The following COL5A1 variants were observed in gnomAD, a reference collection of about 807,000 sequenced individuals.
The protein encoded by COL5A1 is collagen alpha-1(V) chain.
COL5A1 carries 16 observed loss-of-function variants against 263.7 expected under a neutral mutation model. That is an observed-to-expected ratio of 0.06 (90% CI 0.04 to 0.09). COL5A1 has a LOEUF of 0.09. COL5A1 is among the 10% of genes least tolerant of loss of function. COL5A1 has a pLI of 1.00. For missense variants in COL5A1, 2,036 were observed against 2,540.5 expected (o/e 0.80, Z 4.27); for synonymous variants, 1,012 against 1,004.5 (o/e 1.01, Z -0.14).
At chr9:134,672,711 GA>G (rs1233742337) in intron 1 of COL5A1, among the ~76,000 whole-genome samples, 1 of 152,138 alleles carries the variant, frequency 6.6e-6, no homozygotes, top group African/African-American at 2.4e-5. Flanking sequence ...ATATTGATTG[GA>G]AAGGATGAAG....
In COL5A1 at chr9:134,703,651, T is replaced by C. The variant is rs1300398175; in HGVS notation, c.654+2318T>C. Reference sequence around the variant, plus strand: ...GGTTTTTTTTTTTTTTTTTTTTTTTTTTTTGAGACGGAGTCTCGCTCCGTC... The same window carrying C: ...GGTTTTTTTTTTTTTTTTTTTTTTTCTTTTGAGACGGAGTCTCGCTCCGTC... On this transcript the variant is annotated intron_variant, in intron 4 of 65. Coordinates refer to ENST00000371817, the MANE Select transcript of COL5A1 (RefSeq NM_000093.5). Among the ~76,000 whole-genome samples the C allele has an allele frequency of 8.0e-5, 11 of 137,314 alleles. No homozygotes were observed. In the East Asian group the frequency reaches 1.8e-3, roughly 23 times the overall value. The allele number at this position is 137,314 out of a possible 152,430, so 90.1% of individuals were successfully genotyped here. A position where few individuals can be genotyped will look rare whatever the true frequency, so the allele number is the denominator to read the frequency against.
intron 1 of COL5A1, among the ~76,000 whole-genome samples, chr9:134,683,162 GA>G (rs1832910995): frequency 6.6e-6 from 1 of 152,186 alleles, no homozygotes; most frequent in African/African-American, 2.4e-5. Flanking sequence ...TAGAAAAGTA[GA>G]ACGGCTGTAA....
chr9:134,642,223 G>C lies in COL5A1; in HGVS notation c.36G>C (p.Ala12=), dbSNP rs1029930975. Residue 12 remains alanine, a synonymous_variant, in exon 1 of 66, where the codon GCG becomes GCC. Coordinates refer to ENST00000371817, the MANE Select transcript of COL5A1 (RefSeq NM_000093.5). The surrounding 1 kb of genome is among the most constrained non-coding windows in gnomAD (Gnocchi z 4.5). ...DVHTRWKARS[A]LRPGAPLLPP... ...ATACCCGCTGGAAAGCGCGCAGCGC[G>C]CTCCGCCCGGGCGCCCCGCTGCTGC... 2.8e-5 allele frequency: 36 copies of C among 1,299,200 alleles called. No individual in the cohort carries two copies. The African/African-American group carries it at 3.4e-4, about 12-fold the overall frequency. 80.5% of individuals were successfully genotyped at this position (1,299,200 alleles called of 1,614,324 possible). A position where few individuals can be genotyped will look rare whatever the true frequency, so the allele number is the denominator to read the frequency against.
intron 1 of COL5A1, among the ~76,000 whole-genome samples, chr9:134,670,714 TTGAGTC>T (rs1832514518): frequency 6.6e-6 from 1 of 152,160 alleles, no homozygotes; most frequent in South Asian, 2.1e-4. Context: ...TCTCCTCCCA[TTGAGTC>T]AGAAAATGTA....
intron 65 of COL5A1, among the ~76,000 whole-genome samples, chr9:134,837,802 G>A (rs116280136): frequency 0.025 from 3,804 of 152,144 alleles, 154 homozygotes; most frequent in African/African-American, 0.087. Flanking sequence ...GTCCGAATGC[G>A]AACCACCAAT....
At chr9:134,834,834 C>G in intron 64 of COL5A1, 137 bp from the exon 65 acceptor site, 1 of 685,024 alleles carries the variant, frequency 1.5e-6, no homozygotes, top group East Asian at 2.7e-5. Context: ...TCGGCCGGGT[C>G]TGTGGGTACA....
chr9:134,689,456 T>G (rs893370494), intron 1 of COL5A1, among the ~76,000 whole-genome samples: 2 of 152,150 alleles, frequency 1.3e-5, no homozygotes, highest in African/African-American at 2.4e-5. Context: ...CCAATTGGCA[T>G]TAGCATAAAG....
chr9:134,820,978 C>T lies in COL5A1; in HGVS notation c.4554+755C>T, dbSNP rs186746593. Among the ~76,000 whole-genome samples, 417 of 152,216 alleles carry T rather than the reference C, an allele frequency of 2.7e-3. 1 individual carries two copies. The highest frequency in any genetic ancestry group is 4.4e-3 in the Non-Finnish European group (300 of 67,992). ...GGGACAGGGCAGGAGCAGGCAGAGC[C>T]CCTGGAGGCTGGGAGTAAGGTGGCA... On this transcript the variant is annotated intron_variant, in intron 58 of 65. Coordinates refer to ENST00000371817, the MANE Select transcript of COL5A1 (RefSeq NM_000093.5).
intron 27 of COL5A1, among the ~76,000 whole-genome samples, chr9:134,776,663 C>T (rs746827613): frequency 2.0e-5 from 3 of 152,260 alleles, no homozygotes; most frequent in Non-Finnish European, 2.9e-5. Flanking sequence ...AGAGGGGGCC[C>T]GTTATTTTCC....
intron 1 of COL5A1, among the ~76,000 whole-genome samples, chr9:134,667,371 T>C (rs1832392179): frequency 6.6e-6 from 1 of 152,218 alleles, no homozygotes; most frequent in Non-Finnish European, 1.5e-5. Context: ...CACCAGGGCC[T>C]TCTTCAGGGA....
At chr9:134,707,186 G>T (rs1833865604) in intron 4 of COL5A1, among the ~76,000 whole-genome samples, 1 of 152,144 alleles carries the variant, frequency 6.6e-6, no homozygotes, top group African/African-American at 2.4e-5. Context: ...TGCCCCGGGG[G>T]ACAGCCGGCC....
chr9:134,822,890 C>T lies in COL5A1; in HGVS notation c.4609-108C>T, dbSNP rs572693252. 335 of 1,218,948 alleles carry T rather than the reference C, an allele frequency of 2.7e-4. 4 individuals are homozygous for T. In the South Asian group the frequency reaches 3.9e-3, roughly 14 times the overall value. The allele number at this position is 1,218,948 out of a possible 1,614,324, so 75.5% of individuals were successfully genotyped here. A position where few individuals can be genotyped will look rare whatever the true frequency, so the allele number is the denominator to read the frequency against. ...CAAGCATAGACTCTTGAGGGGGATG[C>T]GGGTGGGAGAGGGGCGAGGGGCGAG... On this transcript the variant is annotated intron_variant, in intron 59 of 65. Coordinates refer to ENST00000371817, the MANE Select transcript of COL5A1 (RefSeq NM_000093.5).
intron 4 of COL5A1, among the ~76,000 whole-genome samples, chr9:134,703,952 G>A (rs963346575): frequency 2.0e-5 from 3 of 152,068 alleles, no homozygotes; most frequent in African/African-American, 7.2e-5. Flanking sequence ...GGGTTTTAAT[G>A]TTTGTCATGC....
At chr9:134,691,442 C>G (rs900248214) in intron 2 of COL5A1, among the ~76,000 whole-genome samples, 2 of 152,014 alleles carry the variant, frequency 1.3e-5, no homozygotes, top group Non-Finnish European at 2.9e-5. Flanking sequence ...ACCTCGGGGT[C>G]GTGGGAAAGG....
chr9:134,815,495 G>A (rs1256926249), intron 50 of COL5A1, 81 bp from the exon 51 acceptor site: 1 of 1,413,984 alleles, frequency 7.1e-7, no homozygotes, highest in African/African-American at 1.4e-5. Flanking sequence ...TGGCCATCTT[G>A]AGGTGGTGAC....
rs35886496 is a variant in COL5A1, at chr9:134,779,890, AAC to A, written c.2386-210_2386-209del. Among the ~76,000 whole-genome samples, 2,292 of 152,220 alleles carry A rather than the reference AAC, an allele frequency of 0.015. 65 individuals carry two copies. Among genetic ancestry groups the A allele is most frequent in the African/African-American group, 0.052 (2,175 of 41,522 alleles). The stretch of plus-strand genomic sequence containing the variant: ...GATGGGTTTGGGTCTTTGCATGAAG[AAC>A]AGGAGTCAGTGGAGTCAGCCCAGGA... On this transcript the variant is annotated intron_variant, in intron 27 of 65. Transcript: ENST00000371817.
At chr9:134,705,715 C>T (rs1369261749) in intron 4 of COL5A1, among the ~76,000 whole-genome samples, 1 of 152,168 alleles carries the variant, frequency 6.6e-6, no homozygotes, top group South Asian at 2.1e-4. Context: ...CTCTCTGGCC[C>T]ATTGTCAGTG....
intron 46 of COL5A1, among the ~76,000 whole-genome samples, chr9:134,811,805 A>G (rs560356635): frequency 4.7e-4 from 72 of 152,324 alleles, no homozygotes; most frequent in African/African-American, 1.7e-3. Flanking sequence ...CAGCAGTGGC[A>G]TTTATTTCTG....
chr9:134,795,412 TA>T (rs79903250), intron 34 of COL5A1, 97 bp downstream of exon 34: 146,209 of 721,070 alleles, frequency 0.2, 20 homozygotes, highest in East Asian at 0.24. Flanking sequence ...CCTTTTTTAT[TA>T]AAAAAAAAAA....
Sources: allele counts gnomAD v4.1 joint callset (sites outside exome capture counted in the v4.1 genomes callset), GRCh38; gene constraint gnomAD v4.1.1; non-coding constraint Gnocchi (gnomAD v3.1); transcripts MANE v1.5; gene names NCBI Gene and HGNC (gene_info 2026-07-23, HGNC 2026-07-21).